NHEJ1: variants seen among roughly 807,000 people sequenced by gnomAD.
NHEJ1 encodes the protein non-homologous end joining factor 1.
A neutral mutation model predicts 39.4 loss-of-function variants in NHEJ1; 22 were observed. The observed-to-expected ratio is 0.56, with a 90% CI of 0.40 to 0.80. NHEJ1 has a LOEUF of 0.80. NHEJ1 is among the 30% of genes least tolerant of loss of function. The pLI is 0.00. For synonymous variants in NHEJ1, 154 were observed against 135.6 expected (o/e 1.14, Z -0.94); for missense variants, 329 against 357.1 (o/e 0.92, Z 0.63).
rs778871147 is a variant in NHEJ1, at chr2:219,077,247, G to A, written c.824C>T (p.Thr275Met). ...TCCAGGAAGCTGCTCATGACTCACCGTGGACTCTTTCTCAGGTGCTGAGAG... is the reference window on the plus strand; with the variant it reads ...TCCAGGAAGCTGCTCATGACTCACCATGGACTCTTTCTCAGGTGCTGAGAG... ...PTLSAPEKES[T>M]GTSGPLQRPQ... Residue 275 changes from threonine to methionine, a missense_variant and splice_region_variant, in exon 7 of 8, where the codon ACG (threonine) becomes ATG (methionine). Coordinates refer to ENST00000356853, the MANE Select transcript of NHEJ1 (RefSeq NM_024782.3). 18 of 1,610,718 alleles carry A rather than the reference G, an allele frequency of 1.1e-5. No individual in the cohort carries two copies. The East Asian group carries it at 2.9e-4, about 26-fold the overall frequency.
intron 5 of NHEJ1, among the ~76,000 whole-genome samples, chr2:219,089,650 T>C (rs1949143835): frequency 6.6e-6 from 1 of 152,190 alleles, no homozygotes. Flanking sequence ...GTTCTGGAAT[T>C]AGACAGTAGT....
chr2:219,146,645 G>A (rs1301927393), intron 5 of NHEJ1, 35 bp downstream of exon 5: 2 of 1,547,890 alleles, frequency 1.3e-6, no homozygotes, highest in Non-Finnish European at 1.8e-6. Context: ...GAGGAAGTAG[G>A]GCAAAGACAC....
chr2:219,138,930 G>C (rs1949663460), intron 5 of NHEJ1, among the ~76,000 whole-genome samples: 1 of 152,192 alleles, frequency 6.6e-6, no homozygotes, highest in Non-Finnish European at 1.5e-5. Context: ...AAGAGGTGAA[G>C]TTTAATTAAT....
In NHEJ1 at chr2:219,076,067, CA is replaced by C. The variant is rs1949010407; in HGVS notation, c.*313del. 2 of 517,202 alleles carry C rather than the reference CA, an allele frequency of 3.9e-6. No individual in the cohort carries two copies. The highest frequency in any genetic ancestry group is 6.8e-6 in the Non-Finnish European group (2 of 293,794). 32.0% of individuals were successfully genotyped at this position (517,202 alleles called of 1,614,324 possible). A position where few individuals can be genotyped will look rare whatever the true frequency, so the allele number is the denominator to read the frequency against. On this transcript the variant is annotated 3_prime_UTR_variant, in exon 8 of 8. Coordinates refer to ENST00000356853, the MANE Select transcript of NHEJ1 (RefSeq NM_024782.3). ...GCTAGAGACGCTAGGGAAAGGTAGA[CA>C]AGGCTTCCTGAGTGTGTGGTGCTTT...
chr2:219,111,782 T>C lies in NHEJ1; in HGVS notation c.589-33576A>G, dbSNP rs1399487015. ...GTTAAAATTAAACTCTGTACAAATA[T>C]TGACCTTTGGAGGGGACAGAAACCG... is the stretch of plus-strand genomic sequence containing the variant. On this transcript the variant is annotated intron_variant, in intron 5 of 7. Transcript: ENST00000356853. This position sits in a 1 kb window ranked among gnomAD's most constrained non-coding sequence, Gnocchi z 4.1. Among the ~76,000 whole-genome samples the C allele has an allele frequency of 6.6e-6, 1 of 152,068 alleles. No homozygotes were observed. Among genetic ancestry groups the C allele is most frequent in the Non-Finnish European group, 1.5e-5 (1 of 67,998 alleles).
At chr2:219,080,464 G>T (rs1300156915) in intron 5 of NHEJ1, among the ~76,000 whole-genome samples, 1 of 151,584 alleles carries the variant, frequency 6.6e-6, no homozygotes, top group African/African-American at 2.4e-5. Context: ...GGCAGAGCTT[G>T]CGGTGAGCTG....
At chr2:219,120,467 AG>A (rs1949460787) in intron 5 of NHEJ1, among the ~76,000 whole-genome samples, 1 of 152,210 alleles carries the variant, frequency 6.6e-6, no homozygotes, top group African/African-American at 2.4e-5. Context: ...GAATCAGAAT[AG>A]GGGGCAATGA....
In NHEJ1 at chr2:219,157,748, C is replaced by G. The variant is rs140711705; in HGVS notation, c.178-64G>C. On this transcript the variant is annotated intron_variant, in intron 2 of 7. Transcript: ENST00000356853. ...AGGAAACTAATTCCCTCATAAGTAA[C>G]AGCAAAGGAAAGCCCTGGTTAACAC... 24 of 1,363,820 alleles carry G rather than the reference C, an allele frequency of 1.8e-5. No individual in the cohort carries two copies. In the East Asian group the frequency reaches 5.7e-4, roughly 32 times the overall value. The allele number at this position is 1,363,820 out of a possible 1,614,324, so 84.5% of individuals were successfully genotyped here. A position where few individuals can be genotyped will look rare whatever the true frequency, so the allele number is the denominator to read the frequency against.
chr2:219,147,669 T>C lies in NHEJ1; in HGVS notation c.517A>G (p.Thr173Ala), dbSNP rs1211085443. 6.2e-7 allele frequency: 1 copy of C among 1,614,078 alleles called. No homozygotes were observed. Among genetic ancestry groups the C allele is most frequent in the East Asian group, 2.2e-5 (1 of 44,896 alleles). Reference sequence around the variant, plus strand: ...AATGTCCTCTTACCTCGAATCAGCGTAGCCCCACTCTCCTGGTAGTCTTGG... The same window carrying C: ...AATGTCCTCTTACCTCGAATCAGCGCAGCCCCACTCTCCTGGTAGTCTTGG... ...EIQDYQESGA[T>A]LIRDRLKTEP... is the part of the protein sequence containing the mutation. Residue 173 changes from threonine to alanine, a missense_variant, in exon 4 of 8, where the codon ACG becomes GCG. Coordinates refer to ENST00000356853, the MANE Select transcript of NHEJ1 (RefSeq NM_024782.3).
intron 5 of NHEJ1, among the ~76,000 whole-genome samples, chr2:219,117,300 G>A (rs572353720): frequency 1.3e-4 from 20 of 152,248 alleles, no homozygotes; most frequent in African/African-American, 4.8e-4. Flanking sequence ...ACATCGCAGG[G>A]AAAAGAAAAT....
In NHEJ1 at chr2:219,128,880, C is replaced by G. The variant is rs371094211; in HGVS notation, c.588+17800G>C. Among the ~76,000 whole-genome samples the G allele has an allele frequency of 1.1e-4, 16 of 152,330 alleles. No individual in the cohort carries two copies. In the East Asian group the frequency reaches 2.3e-3, roughly 22 times the overall value. On this transcript the variant is annotated intron_variant, in intron 5 of 7. Coordinates refer to ENST00000356853, the MANE Select transcript of NHEJ1 (RefSeq NM_024782.3). ...AGGTCACCCTTCAAGAACTTCACCC[C>G]CAATGACCCAGTACCTAGTCCATAC...
intron 5 of NHEJ1, among the ~76,000 whole-genome samples, chr2:219,118,654 A>G (rs984310831): frequency 6.6e-6 from 1 of 152,140 alleles, no homozygotes; most frequent in African/African-American, 2.4e-5. Flanking sequence ...CTGTGCAGAG[A>G]AGGACAGGGA....
At chr2:219,091,151 G>C (rs1325490589) in intron 5 of NHEJ1, among the ~76,000 whole-genome samples, 1 of 152,060 alleles carries the variant, frequency 6.6e-6, no homozygotes, top group Non-Finnish European at 1.5e-5. Context: ...AAAAGTTTTG[G>C]GATGCAGGTT....
At chr2:219,155,351 G>A (rs1360357745) in intron 3 of NHEJ1, among the ~76,000 whole-genome samples, 2 of 151,758 alleles carry the variant, frequency 1.3e-5, no homozygotes, top group Non-Finnish European at 2.9e-5. Context: ...GATTGCTTGA[G>A]GTGAGGAATT....
intron 3 of NHEJ1, 51 bp from the exon 4 acceptor site, chr2:219,147,846 C>T (rs774053051): frequency 7.2e-5 from 115 of 1,594,730 alleles, no homozygotes; most frequent in Non-Finnish European, 9.0e-5. Flanking sequence ...AAAGTACTTT[C>T]CAATTCAGTA....
chr2:219,085,450 C>T (rs1192833945), intron 5 of NHEJ1, among the ~76,000 whole-genome samples: 2 of 152,156 alleles, frequency 1.3e-5, no homozygotes, highest in Non-Finnish European at 2.9e-5. Flanking sequence ...AGGCACACTG[C>T]CCTTGAAGGT....
rs141096808 is a variant in NHEJ1, at chr2:219,151,357, G to A, written c.391-3562C>T. Among the ~76,000 whole-genome samples the A allele has an allele frequency of 8.5e-5, 13 of 152,090 alleles. No individual in the cohort carries two copies. In the East Asian group the frequency reaches 2.3e-3, roughly 27 times the overall value. ...TGGCTACCTCAATAGCAATTTCCTC[G>A]AGTGACAGTAAATATTGTATAAAAA... is the stretch of plus-strand genomic sequence containing the variant. On this transcript the variant is annotated intron_variant, in intron 3 of 7. Coordinates refer to ENST00000356853, the MANE Select transcript of NHEJ1 (RefSeq NM_024782.3).
chr2:219,121,812 C>G (rs868252871), intron 5 of NHEJ1, among the ~76,000 whole-genome samples: 2 of 151,030 alleles, frequency 1.3e-5, no homozygotes, highest in African/African-American at 4.9e-5. Context: ...GGCAATAGAC[C>G]CTATCTTAAA....
chr2:219,103,744 A>G lies in NHEJ1; in HGVS notation c.589-25538T>C, dbSNP rs577201779. 8.8e-4 allele frequency among the ~76,000 whole-genome samples: 134 copies of G among 152,296 alleles called. 1 individual carries two copies. Among genetic ancestry groups the G allele is most frequent in the Admixed American group, 8.2e-3 (125 of 15,302 alleles). On this transcript the variant is annotated intron_variant, in intron 5 of 7. Coordinates refer to ENST00000356853, the MANE Select transcript of NHEJ1 (RefSeq NM_024782.3). The stretch of plus-strand genomic sequence containing the variant: ...CAACTCTAAAGAGAACATTATCCCT[A>G]TTTTACACCAAAATAAACTGGAGCC...
Sources: gnomAD v4.1 joint callset for allele counts (sites outside exome capture counted in the v4.1 genomes callset) on GRCh38, gnomAD v4.1.1 for gene constraint, Gnocchi (gnomAD v3.1) non-coding constraint, MANE v1.5 for transcripts, NCBI Gene and HGNC (gene_info 2026-07-23, HGNC 2026-07-21) for gene names.